ANK2: variants seen among roughly 807,000 people sequenced by gnomAD.
The protein encoded by ANK2 is ankyrin-2.
ANK2 carries 83 observed loss-of-function variants against 360.5 expected under a neutral mutation model. That is an observed-to-expected ratio of 0.23 (90% CI 0.19 to 0.28). The LOEUF is 0.28. ANK2 is among the 10% of genes least tolerant of loss of function. The pLI, the probability that ANK2 is intolerant of heterozygous loss-of-function variation, is 1.00. For synonymous variants in ANK2, 1,740 were observed against 1,759.5 expected (o/e 0.99, Z 0.28); for missense variants, 4,201 against 4,795.7 (o/e 0.88, Z 3.66).
intron 45 of ANK2, among the ~76,000 whole-genome samples, chr4:113,374,013 C>T (rs916013720): frequency 1.8e-4 from 27 of 152,194 alleles, no homozygotes; most frequent in African/African-American, 6.0e-4. Context: ...CAACCTCCAC[C>T]TCCGGGTTCA....
chr4:112,879,183 T>G (rs2150394442), intron 1 of ANK2, among the ~76,000 whole-genome samples: 2 of 152,288 alleles, frequency 1.3e-5, no homozygotes. Context: ...TCTTGGTACA[T>G]TATTCTCATG....
At chr4:112,783,986 C>T in the ANK2 span, among the ~76,000 whole-genome samples, 33 of 152,116 alleles carry the variant, frequency 2.2e-4, no homozygotes, top group Admixed American at 2.0e-3. Context: ...GTGGTATACT[C>T]ATACTCTGGC....
intron 1 of ANK2, among the ~76,000 whole-genome samples, chr4:112,861,868 A>AGAGAGAGAGAGAGAGAGAGAGAGAG (rs201880535): frequency 2.6e-5 from 4 of 151,672 alleles, no homozygotes; most frequent in African/African-American, 9.7e-5. Flanking sequence ...AGAGAGAGAG[A>AGAGAGAGAGAGAGAGAGAGAGAGAG]AACTCTCACA....
chr4:113,034,287 A>G (rs1292395047), intron 2 of ANK2, among the ~76,000 whole-genome samples: 1 of 151,986 alleles, frequency 6.6e-6, no homozygotes, highest in Non-Finnish European at 1.5e-5. Flanking sequence ...ATTTTTATTT[A>G]GCTTATAACC....
At chr4:113,181,472 T>C (rs2098412575) in intron 2 of ANK2, among the ~76,000 whole-genome samples, 1 of 152,176 alleles carries the variant, frequency 6.6e-6, no homozygotes, top group Admixed American at 6.5e-5. Flanking sequence ...GTTTACTCAG[T>C]GGCAGGCTCT....
intron 4 of ANK2, among the ~76,000 whole-genome samples, chr4:113,203,835 C>T (rs1443041198): frequency 1.3e-5 from 2 of 152,164 alleles, no homozygotes; most frequent in Admixed American, 1.3e-4. Context: ...AACAGTTCTA[C>T]CTTCTCTACA....
At chr4:113,217,799 A>G (rs1305430907) in intron 4 of ANK2, among the ~76,000 whole-genome samples, 1 of 152,218 alleles carries the variant, frequency 6.6e-6, no homozygotes, top group Non-Finnish European at 1.5e-5. Flanking sequence ...AAGTCTCGGT[A>G]CCGAACTGAA....
chr4:112,835,753 T>C (rs377456293), intron 1 of ANK2, among the ~76,000 whole-genome samples: 1 of 152,200 alleles, frequency 6.6e-6, no homozygotes, highest in African/African-American at 2.4e-5. Context: ...ATAGAGTAAG[T>C]GCTCATTAAA....
intron 2 of ANK2, among the ~76,000 whole-genome samples, chr4:112,950,430 G>A (rs2094870625): frequency 6.6e-6 from 1 of 151,894 alleles, no homozygotes; most frequent in South Asian, 2.1e-4. Flanking sequence ...GGATCATGAG[G>A]TCAGGAGATC....
intron 1 of ANK2, among the ~76,000 whole-genome samples, chr4:113,143,787 A>G (rs1473492141): frequency 6.6e-6 from 1 of 152,216 alleles, no homozygotes; most frequent in Non-Finnish European, 1.5e-5. Flanking sequence ...ACATCTTAGT[A>G]AAAGAATTTA....
chr4:113,198,260 G>T (rs1584628794), intron 3 of ANK2, among the ~76,000 whole-genome samples: 1 of 152,216 alleles, frequency 6.6e-6, no homozygotes, highest in Non-Finnish European at 1.5e-5. Flanking sequence ...TTAAGTGAGT[G>T]GCTAATGCTC....
intron 1 of ANK2, among the ~76,000 whole-genome samples, chr4:113,170,213 G>GA (rs1248865129): frequency 6.6e-6 from 1 of 152,100 alleles, no homozygotes; most frequent in East Asian, 1.9e-4. Context: ...ATTGAAAACT[G>GA]AAAAAATGTT....
the ANK2 span, chr4:112,788,508 C>G: frequency 6.3e-7 from 1 of 1,581,632 alleles, no homozygotes; most frequent in Middle Eastern, 2.3e-4. Flanking sequence ...GGGACGTCCC[C>G]TTTGCCAGCA....
upstream of ANK2, among the ~76,000 whole-genome samples, chr4:112,816,091 G>A (rs2055600505): frequency 6.6e-6 from 1 of 152,098 alleles, no homozygotes; most frequent in Non-Finnish European, 1.5e-5. Flanking sequence ...TTGAAGTTGG[G>A]GGCAGTCTTG....
chr4:113,035,725 T>A (rs2061444852), intron 2 of ANK2, among the ~76,000 whole-genome samples: 1 of 150,624 alleles, frequency 6.6e-6, no homozygotes, highest in Non-Finnish European at 1.5e-5. Flanking sequence ...GGCAGGGAGA[T>A]AGCAAATCCT....
At chr4:112,791,195 G>A in the ANK2 span, among the ~76,000 whole-genome samples, 1 of 152,122 alleles carries the variant, frequency 6.6e-6, no homozygotes, top group African/African-American at 2.4e-5. Flanking sequence ...TTGTGAAGCA[G>A]GGAGGACCCT....
rs147379216 is a variant in ANK2 at position 113,062,385 on chromosome 4, G to A, written c.84+12573G>A. 4.9e-3 allele frequency among the ~76,000 whole-genome samples: 741 copies of A among 152,124 alleles called. 2 individuals are homozygous for A. The highest frequency in any genetic ancestry group is 7.9e-3 in the Non-Finnish European group (540 of 67,930). On this transcript the variant is annotated intron_variant, in intron 1 of 45. Coordinates refer to ENST00000357077, the MANE Select transcript of ANK2 (RefSeq NM_001148.6). ...GTGCATTTTAGAATTTTTACTGCTT[G>A]AATTGGTGTCTCAAGTTTATTTCAA...
chr4:113,029,012 C>T (rs547019846), intron 2 of ANK2, among the ~76,000 whole-genome samples: 15 of 152,148 alleles, frequency 9.9e-5, no homozygotes, highest in African/African-American at 3.1e-4. Flanking sequence ...TAGTGCAACT[C>T]AGCTTCTAAA....
intron 2 of ANK2, among the ~76,000 whole-genome samples, chr4:113,005,072 A>C (rs919353730): frequency 6.6e-6 from 1 of 152,234 alleles, no homozygotes; most frequent in African/African-American, 2.4e-5. Context: ...GAGTTTCTGC[A>C]TCATGCAAAG....
Sources: gnomAD v4.1 joint callset for allele counts (sites outside exome capture counted in the v4.1 genomes callset) on GRCh38, gnomAD v4.1.1 for gene constraint, MANE v1.5 for transcripts, NCBI Gene and HGNC (gene_info 2026-07-23, HGNC 2026-07-21) for gene names.